Variants in ZFHX3 observed in about 807,000 individuals in gnomAD.
ZFHX3 encodes zinc finger homeobox 3.
ZFHX3 carries 42 observed loss-of-function variants against 279.1 expected under a neutral mutation model. The ratio of observed to expected loss-of-function variants is 0.15; its 90% CI spans 0.12 to 0.19. ZFHX3 has a LOEUF of 0.19. Ranked by LOEUF, ZFHX3 falls within the 10% of genes least tolerant of loss-of-function variation. The pLI is 1.00. For synonymous variants in ZFHX3, 2,293 were observed against 1,957.8 expected (o/e 1.17, Z -4.52); for missense variants, 4,981 against 4,754.0 (o/e 1.05, Z -1.40).
intron 3 of ZFHX3, among the ~76,000 whole-genome samples, chr16:72,933,654 C>T (rs1482738143): frequency 6.6e-6 from 1 of 152,130 alleles, no homozygotes. Context: ...CCTACTCCAG[C>T]ATGCACAGCC....
chr16:73,416,731 G>C (rs888211067), intron 3 of ZFHX3, among the ~76,000 whole-genome samples: 1 of 150,186 alleles, frequency 6.7e-6, no homozygotes, highest in African/African-American at 2.4e-5. Flanking sequence ...AAAATTAGCC[G>C]GGTGCGGTGG....
intron 3 of ZFHX3, among the ~76,000 whole-genome samples, chr16:72,907,475 A>G (rs1212284062): frequency 7.1e-6 from 1 of 140,470 alleles, no homozygotes; most frequent in Non-Finnish European, 1.5e-5. Context: ...ATCACCCACT[A>G]CTCCCCTGTA....
At chr16:72,991,498 A>C (rs1264744322) in intron 1 of ZFHX3, among the ~76,000 whole-genome samples, 3 of 152,250 alleles carry the variant, frequency 2.0e-5, no homozygotes, top group Non-Finnish European at 4.4e-5. Context: ...CATCACTCAT[A>C]TGATGGGTGT....
chr16:73,517,984 A>G (rs2019551811), intron 2 of ZFHX3, among the ~76,000 whole-genome samples: 1 of 152,230 alleles, frequency 6.6e-6, no homozygotes, highest in African/African-American at 2.4e-5. Context: ...TCAGCCCAGT[A>G]TATTACCCAG....
intron 1 of ZFHX3, among the ~76,000 whole-genome samples, chr16:73,047,053 C>T (rs1160866162): frequency 1.3e-5 from 2 of 152,242 alleles, no homozygotes; most frequent in African/African-American, 2.4e-5. Context: ...CCTATCATAA[C>T]ACAGGTGTGT....
intron 2 of ZFHX3, among the ~76,000 whole-genome samples, chr16:73,498,654 A>G (rs1406044939): frequency 6.6e-6 from 1 of 152,198 alleles, no homozygotes; most frequent in Non-Finnish European, 1.5e-5. Context: ...GCAGAGAGCC[A>G]AGTTCATCAA....
intron 2 of ZFHX3, among the ~76,000 whole-genome samples, chr16:73,520,927 G>C (rs1326448949): frequency 3.3e-5 from 5 of 152,314 alleles, no homozygotes; most frequent in Admixed American, 2.6e-4. Context: ...TGAAGAGAGT[G>C]AAGATATAAA....
At chr16:73,724,869 C>T (rs1007811444) in intron 1 of ZFHX3, among the ~76,000 whole-genome samples, 3 of 152,214 alleles carry the variant, frequency 2.0e-5, no homozygotes, top group African/African-American at 7.2e-5. Context: ...TCCTCCACCC[C>T]TACCCCTCAT....
chr16:73,434,994 G>A (rs1032899098), intron 3 of ZFHX3, among the ~76,000 whole-genome samples: 1 of 152,094 alleles, frequency 6.6e-6, no homozygotes, highest in African/African-American at 2.4e-5. Context: ...GAAGTAAATA[G>A]GACTCAATAC....
At position 72,958,728 on chromosome 16, in the gene ZFHX3, T is replaced by C; in HGVS notation, c.1418A>G (p.Glu473Gly). Residue 473 changes from glutamate (E) to glycine (G), a missense_variant, in exon 2 of 10, where the codon GAG becomes GGG. By Grantham distance (98) the Glu-to-Gly change is moderately conservative (BLOSUM62 -2). This residue lies in a region of ZFHX3 where 1,068 missense variants were observed against 935.2 expected (regional missense o/e 1.14). Transcript: ENST00000268489. ...AEEEEEEEEA[E>G]EEEEEEEEEE... ...CTCCTCCTCTTCTTCCTCCTCCTCC[T>C]CCGCCTCTTCCTCCTCCTCTTCCTC... The C allele has an allele frequency of 6.2e-7, 1 of 1,612,644 alleles. No homozygotes were observed. Among genetic ancestry groups the C allele is most frequent in the Middle Eastern group, 1.7e-4 (1 of 5,998 alleles).
intron 2 of ZFHX3, among the ~76,000 whole-genome samples, chr16:73,490,544 A>G (rs913065743): frequency 3.3e-5 from 5 of 152,234 alleles, no homozygotes; most frequent in Admixed American, 6.5e-5. Flanking sequence ...CTTTGCGTTA[A>G]AACAATAAAA....
rs559743782 is a variant in ZFHX3, at chr16:73,002,818, G to A, written c.-49-42624C>T. The stretch of plus-strand genomic sequence containing the variant: ...ACAGCCACAGGCCAGTGCTATTTAA[G>A]TGATTCTACATTTTTGCAAACTTTT... On this transcript the variant is annotated intron_variant, in intron 1 of 9. Coordinates refer to ENST00000268489, the MANE Select transcript of ZFHX3 (RefSeq NM_006885.4). Among the ~76,000 whole-genome samples the A allele has an allele frequency of 7.6e-4, 115 of 152,260 alleles. 2 individuals are homozygous for A. The South Asian group carries it at 0.023, about 30-fold the overall frequency.
intron 2 of ZFHX3, among the ~76,000 whole-genome samples, chr16:73,671,341 G>A (rs964660500): frequency 2.6e-5 from 4 of 152,190 alleles, no homozygotes; most frequent in African/African-American, 9.7e-5. Flanking sequence ...AGCAAAGCCA[G>A]CATCAGTGGC....
At chr16:73,652,587 G>A (rs1038203) in intron 2 of ZFHX3, among the ~76,000 whole-genome samples, 147,968 of 152,308 alleles carry the variant, frequency 0.97, 71,902 homozygotes, top group East Asian at 1. Flanking sequence ...CACGAAATTA[G>A]TGACAATTCT....
At chr16:73,807,671 A>ATGT (rs1365106920) in intron 1 of ZFHX3, among the ~76,000 whole-genome samples, 2 of 115,868 alleles carry the variant, frequency 1.7e-5, no homozygotes, top group Admixed American at 1.3e-4. Flanking sequence ...GGGCTTCTCC[A>ATGT]TGTTGCCCAG....
chr16:73,767,189 C>T (rs1017062391), intron 1 of ZFHX3, among the ~76,000 whole-genome samples: 1 of 152,030 alleles, frequency 6.6e-6, no homozygotes, highest in Non-Finnish European at 1.5e-5. Context: ...TGCCCACTTC[C>T]ACCTCCCAAA....
chr16:73,544,933 GGA>G (rs2020084169), intron 2 of ZFHX3, among the ~76,000 whole-genome samples: 1 of 152,154 alleles, frequency 6.6e-6, no homozygotes, highest in African/African-American at 2.4e-5. Flanking sequence ...AGTCAATGGG[GGA>G]GGACGATGAC....
intron 1 of ZFHX3, among the ~76,000 whole-genome samples, chr16:73,701,861 A>G (rs1187383043): frequency 6.7e-6 from 1 of 148,768 alleles, no homozygotes. Flanking sequence ...AATATTCTGA[A>G]GTTTGAGTCA....
intron 1 of ZFHX3, among the ~76,000 whole-genome samples, chr16:73,683,130 G>A (rs1401959866): frequency 6.6e-6 from 1 of 152,044 alleles, no homozygotes; most frequent in African/African-American, 2.4e-5. Context: ...TTATACTTTT[G>A]TCTAGTAAAG....
Sources: gnomAD v4.1 joint callset for allele counts (sites outside exome capture counted in the v4.1 genomes callset) on GRCh38, gnomAD v4.1.1 for gene constraint, gnomAD v4.1.1 regional missense constraint, MANE v1.5 for transcripts, NCBI Gene and HGNC (gene_info 2026-07-23, HGNC 2026-07-21) for gene names.